The following ZNF274 variants were observed in gnomAD, a reference collection of about 807,000 sequenced individuals.
ZNF274 encodes neurotrophin receptor-interacting factor homolog.
ZNF274 carries 23 observed loss-of-function variants against 42.5 expected under a neutral mutation model. The observed-to-expected ratio is 0.54, with a 90% CI of 0.39 to 0.77. The LOEUF (loss-of-function observed/expected upper bound fraction) is 0.77, where lower values mean the gene tolerates loss of function less well. Among genes scored for constraint, ZNF274 ranks in the 30% least tolerant of loss-of-function variants. The pLI is 0.00. For missense variants in ZNF274, 679 were observed against 806.5 expected (o/e 0.84, Z 1.91); for synonymous variants, 292 against 305.4 (o/e 0.96, Z 0.46).
chr19:58,192,434 G>A (rs1683702426), intron 4 of ZNF274, among the ~76,000 whole-genome samples: 1 of 152,180 alleles, frequency 6.6e-6, no homozygotes, highest in Non-Finnish European at 1.5e-5. Flanking sequence ...GTGGACCTAG[G>A]TGAGTGATTG....
chr19:58,205,170 C>T (rs1206004181), intron 4 of ZNF274, among the ~76,000 whole-genome samples: 2 of 152,170 alleles, frequency 1.3e-5, no homozygotes, highest in African/African-American at 4.8e-5. Flanking sequence ...GCTGTGGTTC[C>T]TTGCTGTGGC....
intron 4 of ZNF274, among the ~76,000 whole-genome samples, chr19:58,205,113 C>T (rs1408257646): frequency 6.6e-6 from 1 of 152,100 alleles, no homozygotes; most frequent in African/African-American, 2.4e-5. Context: ...GCCTCTATAC[C>T]TATCTTCATC....
Position 58,211,545 on chromosome 19 carries a change from T to C in ZNF274, c.853-15T>C, listed in dbSNP as rs746819809. The stretch of plus-strand genomic sequence containing the variant: ...GACCCTCTTGCTGAGCATAGACACA[T>C]ATGTGATGTTACAGGAGCCAGTGAC... On this transcript the variant is annotated splice_polypyrimidine_tract_variant and intron_variant, in intron 6 of 7. Transcript: ENST00000617501. This position sits in a 1 kb window ranked among gnomAD's most constrained non-coding sequence, Gnocchi z 4.8. The C allele has an allele frequency of 1.9e-6, 3 of 1,609,352 alleles. No individual in the cohort carries two copies. Among genetic ancestry groups the C allele is most frequent in the African/African-American group, 2.7e-5 (2 of 74,780 alleles).
At chr19:58,204,423 T>C (rs903607140) in intron 4 of ZNF274, among the ~76,000 whole-genome samples, 3 of 152,026 alleles carry the variant, frequency 2.0e-5, no homozygotes, top group Non-Finnish European at 4.4e-5. Context: ...GACTGGGTCT[T>C]GTGTGGACGG....
intron 2 of ZNF274, 33 bp downstream of exon 2, chr19:58,184,031 G>T (rs781641725): frequency 1.3e-6 from 2 of 1,578,570 alleles, no homozygotes; most frequent in Non-Finnish European, 1.7e-6. Flanking sequence ...TTTTGAGTCC[G>T]CTACTGCACC....
Position 58,191,021 on chromosome 19 carries a change from A to G in ZNF274, c.256+3979A>G, listed in dbSNP as rs559506401. ...TATTTTGGTTTTTGTTTCCACATTC[A>G]AAGTTTTTCCTTCCATTCCCTTCAC... On this transcript the variant is annotated intron_variant, in intron 4 of 7. Coordinates refer to ENST00000617501, the MANE Select transcript of ZNF274 (RefSeq NM_133502.3). Among the ~76,000 whole-genome samples, 375 of 152,328 alleles carry G rather than the reference A, an allele frequency of 2.5e-3. 3 individuals are homozygous for G. Among genetic ancestry groups the G allele is most frequent in the Middle Eastern group, 0.02 (6 of 294 alleles).
intron 4 of ZNF274, among the ~76,000 whole-genome samples, chr19:58,191,220 C>T (rs559948403): frequency 3.9e-5 from 6 of 152,338 alleles, no homozygotes; most frequent in Non-Finnish European, 8.8e-5. Context: ...TCACTGTAAC[C>T]TCTGCCTCCC....
At chr19:58,186,702 CA>C (rs1390267582) in intron 3 of ZNF274, among the ~76,000 whole-genome samples, 4 of 152,142 alleles carry the variant, frequency 2.6e-5, no homozygotes, top group Non-Finnish European at 5.9e-5. Flanking sequence ...AACCAGAAAG[CA>C]AAAGCTTTCC....
chr19:58,197,343 T>A (rs1470948536), intron 4 of ZNF274, among the ~76,000 whole-genome samples: 1 of 152,126 alleles, frequency 6.6e-6, no homozygotes, highest in African/African-American at 2.4e-5. Context: ...ACGAAAAAAA[T>A]ATACACTGAA....
rs1044978652 is a variant in ZNF274, at chr19:58,183,909, C to T, written c.-45-12C>T. On this transcript the variant is annotated splice_polypyrimidine_tract_variant and intron_variant, in intron 1 of 7. Coordinates refer to ENST00000617501, the MANE Select transcript of ZNF274 (RefSeq NM_133502.3). ...AAGCCTCTCCCTCCCCTCCCAACTT[C>T]GGTTTCCTCAGGACTCTGCCCACTT... is the stretch of plus-strand genomic sequence containing the variant. The T allele has an allele frequency of 3.2e-6, 5 of 1,555,240 alleles. No individual in the cohort carries two copies. Among genetic ancestry groups the T allele is most frequent in the East Asian group, 2.4e-5 (1 of 41,998 alleles).
At chr19:58,204,315 G>T (rs2062251) in intron 4 of ZNF274, among the ~76,000 whole-genome samples, 28,704 of 152,034 alleles carry the variant, frequency 0.19, 3,518 homozygotes, top group Middle Eastern at 0.36. Context: ...GGCCCCGCGG[G>T]TGTCGTAGTT....
intron 4 of ZNF274, among the ~76,000 whole-genome samples, chr19:58,201,432 A>G (rs1600147601): frequency 2.6e-5 from 4 of 151,868 alleles, no homozygotes; most frequent in Non-Finnish European, 1.5e-5. Context: ...TCAACCTGAG[A>G]TTTGGTAGGG....
intron 4 of ZNF274, among the ~76,000 whole-genome samples, chr19:58,201,009 T>G (rs953418339): frequency 6.6e-6 from 1 of 150,920 alleles, no homozygotes; most frequent in African/African-American, 2.4e-5. Context: ...GTTTGTTTGT[T>G]TTGTTTTTTT....
intron 3 of ZNF274, 100 bp from the exon 4 acceptor site, chr19:58,186,847 C>G: frequency 1.0e-6 from 1 of 992,044 alleles, no homozygotes; most frequent in South Asian, 1.5e-5. Flanking sequence ...AGTCATGTGC[C>G]TTAGCAGGGG....
chr19:58,202,333 G>A (rs923539508), intron 4 of ZNF274: 2 of 152,292 alleles, frequency 1.3e-5, no homozygotes, highest in African/African-American at 4.8e-5. Context: ...GAAGAAAATA[G>A]TGTCAAGAGG....
At chr19:58,199,361 G>C (rs2075882532) in intron 4 of ZNF274, among the ~76,000 whole-genome samples, 1 of 150,336 alleles carries the variant, frequency 6.7e-6, no homozygotes, top group South Asian at 2.1e-4. Context: ...GCAAGACTCT[G>C]TCTAAAAAAA....
At chr19:58,205,365 G>T (rs990725385) in intron 4 of ZNF274, among the ~76,000 whole-genome samples, 1 of 152,126 alleles carries the variant, frequency 6.6e-6, no homozygotes, top group Admixed American at 6.6e-5. Flanking sequence ...ATTTTTTAGG[G>T]ACAATATCAG....
chr19:58,199,622 A>C (rs1451626313), intron 4 of ZNF274, among the ~76,000 whole-genome samples: 1 of 152,210 alleles, frequency 6.6e-6, no homozygotes, highest in South Asian at 2.1e-4. Flanking sequence ...CTGAGGCATG[A>C]GAATTGCTTG....
chr19:58,188,485 G>A (rs2075726837), intron 4 of ZNF274, among the ~76,000 whole-genome samples: 1 of 151,116 alleles, frequency 6.6e-6, no homozygotes, highest in African/African-American at 2.4e-5. Context: ...GCTGGGCATG[G>A]TGGGTGCCTG....
Sources: allele counts gnomAD v4.1 joint callset (sites outside exome capture counted in the v4.1 genomes callset), GRCh38; gene constraint gnomAD v4.1.1; non-coding constraint Gnocchi (gnomAD v3.1); transcripts MANE v1.5; gene names NCBI Gene and HGNC (gene_info 2026-07-23, HGNC 2026-07-21).